The following ZNF610 variants were observed in gnomAD, a reference collection of about 807,000 sequenced individuals.
The protein encoded by ZNF610 is zinc finger protein 610.
ZNF610 carries 14 observed loss-of-function variants against 14.1 expected under a neutral mutation model. The ratio of observed to expected loss-of-function variants is 0.99; its 90% CI spans 0.65 to 1.55. The LOEUF is 1.55. Among genes scored for constraint, ZNF610 ranks in the 40% most tolerant of loss-of-function variants. ZNF610 has a pLI of 0.00. For missense variants in ZNF610, 530 were observed against 558.0 expected (o/e 0.95, Z 0.51); for synonymous variants, 185 against 187.6 (o/e 0.99, Z 0.11).
chr19:52,349,000 C>T (rs1264792237), intron 2 of ZNF610, 154 bp from the exon 3 acceptor site: 3 of 607,606 alleles, frequency 4.9e-6, no homozygotes, highest in Non-Finnish European at 8.8e-6. Flanking sequence ...CTCATTCTTC[C>T]TGTAGGAATT....
In ZNF610 at chr19:52,366,000, G is replaced by A. The variant is rs1400336518; in HGVS notation, c.622G>A (p.Glu208Lys). The change falls in exon 6 of 6, where the codon GAA (glutamate) becomes AAA (lysine). Residue 208 changes from glutamate (E) to lysine (K), a missense_variant. By Grantham distance (56) the Glu-to-Lys change is moderately conservative. Transcript: ENST00000403906. Reference protein sequence around the residue: ...RGKSYEYECSEDGEVFRVRAS... With the variant: ...RGKSYEYECSKDGEVFRVRAS... ...AAAATCTTATGAATATGAATGTAGTGAAGATGGTGAAGTTTTTAGAGTCCG... is the reference window on the plus strand; with the variant it reads ...AAAATCTTATGAATATGAATGTAGTAAAGATGGTGAAGTTTTTAGAGTCCG... The A allele has an allele frequency of 1.1e-5, 17 of 1,614,006 alleles. No homozygotes were observed. The South Asian group carries it at 1.4e-4, about 14-fold the overall frequency.
chr19:52,331,241 T>C, the ZNF610 span, among the ~76,000 whole-genome samples: 1 of 152,332 alleles, frequency 6.6e-6, no homozygotes, highest in East Asian at 1.9e-4. Flanking sequence ...AAAATGGCAC[T>C]TCTCATTGGT....
chr19:52,348,996 C>G (rs1434501594), intron 2 of ZNF610, 158 bp from the exon 3 acceptor site: 1 of 605,294 alleles, frequency 1.7e-6, no homozygotes, highest in Admixed American at 3.0e-5. Flanking sequence ...TTCACTCATT[C>G]TTCCTGTAGG....
chr19:52,366,375 A>G lies in ZNF610; in HGVS notation c.997A>G (p.Asn333Asp). ...CTTCAGGCACAAATTTTCTCTAACC[A>G]ATCATCAGAGAAGTCACACGGCGGA... is the stretch of plus-strand genomic sequence containing the variant. ...KNFRHKFSLTNHQRSHTAEKP... is the reference protein window; with the variant it reads ...KNFRHKFSLTDHQRSHTAEKP... The change falls in exon 6 of 6, where the codon AAT becomes GAT. Residue 333 changes from asparagine to aspartate, a missense_variant. By Grantham distance (23) the Asn-to-Asp change is conservative. Coordinates refer to ENST00000403906, the MANE Select transcript of ZNF610 (RefSeq NM_001161425.2). 1.2e-6 allele frequency: 2 copies of G among 1,614,042 alleles called. No individual in the cohort carries two copies. The highest frequency in any genetic ancestry group is 1.7e-6 in the Non-Finnish European group (2 of 1,180,024).
intron 1 of ZNF610, among the ~76,000 whole-genome samples, chr19:52,337,325 G>A (rs1486027897): frequency 3.3e-5 from 5 of 152,026 alleles, no homozygotes; most frequent in African/African-American, 1.2e-4. Context: ...GCCAGAGAGT[G>A]GGGACAAGAG....
At chr19:52,349,583 T>C (rs941153251) in intron 3 of ZNF610, among the ~76,000 whole-genome samples, 3 of 151,614 alleles carry the variant, frequency 2.0e-5, no homozygotes, top group African/African-American at 7.3e-5. Flanking sequence ...ATTTTTTTTT[T>C]TTTTTTTGAG....
intron 1 of ZNF610, among the ~76,000 whole-genome samples, chr19:52,338,730 C>T (rs1041024925): frequency 1.2e-4 from 18 of 151,938 alleles, no homozygotes; most frequent in African/African-American, 4.1e-4. Flanking sequence ...GACGGAGTTT[C>T]GGTCTTGTTG....
intron 3 of ZNF610, among the ~76,000 whole-genome samples, chr19:52,351,857 T>A (rs764837486): frequency 1.3e-5 from 2 of 152,216 alleles, no homozygotes; most frequent in African/African-American, 2.4e-5. Context: ...AGTTTGTGGT[T>A]TCCTCTGGAT....
chr19:52,333,894 G>A (rs1193083631), upstream of ZNF610, among the ~76,000 whole-genome samples: 1 of 152,174 alleles, frequency 6.6e-6, no homozygotes, highest in Non-Finnish European at 1.5e-5. Context: ...TGCTAAAAGA[G>A]TCCTAAATTG....
At position 52,353,633 on chromosome 19, in the gene ZNF610, T is replaced by C. The variant is rs1460741503; in HGVS notation, c.64-49T>C. The C allele has an allele frequency of 1.9e-6, 3 of 1,599,036 alleles. No homozygotes were observed. The African/African-American group carries it at 4.0e-5, about 21-fold the overall frequency. On this transcript the variant is annotated intron_variant, in intron 3 of 5. Transcript: ENST00000403906. ...AAAAATGTTTATCAACTAAATTGAG[T>C]ACAATTTCTACATTTTTAGTGTTGT...
intron 3 of ZNF610, 73 bp from the exon 4 acceptor site, chr19:52,353,609 A>C: frequency 6.4e-7 from 1 of 1,553,628 alleles, no homozygotes; most frequent in Non-Finnish European, 8.8e-7. Flanking sequence ...TTAATATTCA[A>C]AAATGTTTAT....
chr19:52,352,050 G>T (rs3745098), intron 3 of ZNF610, among the ~76,000 whole-genome samples: 75,032 of 151,948 alleles, frequency 0.49, 18,749 homozygotes, highest in African/African-American at 0.57. Flanking sequence ...GGGACAGAAA[G>T]GTCTGTGGCT....
chr19:52,331,702 T>G (rs181285551), upstream of ZNF610, among the ~76,000 whole-genome samples: 10 of 152,300 alleles, frequency 6.6e-5, no homozygotes, highest in East Asian at 1.7e-3. Context: ...AAGGATGCAG[T>G]CTTGCAAGCC....
At chr19:52,345,349 CA>C (rs2122196061) in intron 1 of ZNF610, 1 of 152,300 alleles carries the variant, frequency 6.6e-6, no homozygotes, top group African/African-American at 2.4e-5. Context: ...CTAGCTACAT[CA>C]GAGTAGTCAT....
In ZNF610 at chr19:52,347,801, GC is replaced by G. The variant is rs1233445078; in HGVS notation, c.-162del. The G allele has an allele frequency of 6.6e-6, 1 of 152,166 alleles. No individual in the cohort carries two copies. Among genetic ancestry groups the G allele is most frequent in the Non-Finnish European group, 1.5e-5 (1 of 68,050 alleles). 9.4% of individuals were successfully genotyped at this position (152,166 alleles called of 1,614,324 possible). The stretch of plus-strand genomic sequence containing the variant: ...TTCTCCAAACGTGCTGGGATTACAG[GC>G]ATGAGCCACTACGCCTGGCCAAGTA... On this transcript the variant is annotated 5_prime_UTR_variant, in exon 2 of 6. The change abolishes the stop of an existing upstream ORF in the 5' untranslated region. Coordinates refer to ENST00000403906, the MANE Select transcript of ZNF610 (RefSeq NM_001161425.2).
In ZNF610 at chr19:52,343,451, C is replaced by T. The variant is rs540295873; in HGVS notation, c.-257-4256C>T. Among the ~76,000 whole-genome samples the T allele has an allele frequency of 2.7e-5, 4 of 149,834 alleles. No homozygotes were observed. The East Asian group carries it at 5.9e-4, about 22-fold the overall frequency. Reference sequence around the variant, plus strand: ...GCTTTGGTGGCAGGCGCCTGTAATCCCAGCTACTCCAGGAGGCTGAGGCAG... The same window carrying T: ...GCTTTGGTGGCAGGCGCCTGTAATCTCAGCTACTCCAGGAGGCTGAGGCAG... On this transcript the variant is annotated intron_variant, in intron 1 of 5. Coordinates refer to ENST00000403906, the MANE Select transcript of ZNF610 (RefSeq NM_001161425.2).
rs146123010 is a variant in ZNF610, at chr19:52,352,110, T to G, written c.64-1572T>G. 5.2e-3 allele frequency among the ~76,000 whole-genome samples: 798 copies of G among 152,326 alleles called. 6 individuals are homozygous for G. Among genetic ancestry groups the G allele is most frequent in the African/African-American group, 0.017 (720 of 41,582 alleles). ...TTACTCTTTTAGTAGAGTTGCGAATTTCTTACACAGGTCTGGAGTGTCTTT... is the reference window on the plus strand; with the variant it reads ...TTACTCTTTTAGTAGAGTTGCGAATGTCTTACACAGGTCTGGAGTGTCTTT... On this transcript the variant is annotated intron_variant, in intron 3 of 5. Transcript: ENST00000403906.
rs1986175695 is a variant in ZNF610 at position 52,367,634 on chromosome 19, G to C, written c.*867G>C. The C allele has an allele frequency of 6.6e-6, 1 of 152,108 alleles. No homozygotes were observed. Among genetic ancestry groups the C allele is most frequent in the African/African-American group, 2.4e-5 (1 of 41,410 alleles). 9.4% of individuals were successfully genotyped at this position (152,108 alleles called of 1,614,324 possible). A position where few individuals can be genotyped will look rare whatever the true frequency, so the allele number is the denominator to read the frequency against. On this transcript the variant is annotated 3_prime_UTR_variant, in exon 6 of 6. Coordinates refer to ENST00000403906, the MANE Select transcript of ZNF610 (RefSeq NM_001161425.2). ...AATATACTTAAGTAAGTATGATGTT[G>C]AGTAATTACACTTAGTACTTGAGTT...
intron 1 of ZNF610, among the ~76,000 whole-genome samples, chr19:52,341,614 T>G (rs1170016538): frequency 6.6e-6 from 1 of 151,768 alleles, no homozygotes; most frequent in East Asian, 1.9e-4. Context: ...GGCCCCTAAA[T>G]TTATTTTTAA....
Sources: allele counts gnomAD v4.1 joint callset (sites outside exome capture counted in the v4.1 genomes callset), GRCh38; gene constraint gnomAD v4.1.1; transcripts MANE v1.5; gene names NCBI Gene and HGNC (gene_info 2026-07-23, HGNC 2026-07-21).